The following NPAS3 variants were observed in gnomAD, a reference collection of about 807,000 sequenced individuals.
The protein encoded by NPAS3 is neuronal PAS domain-containing protein 3.
NPAS3 carries 14 observed loss-of-function variants against 73.1 expected under a neutral mutation model. The ratio of observed to expected loss-of-function variants is 0.19; its 90% CI spans 0.13 to 0.30. The LOEUF is 0.30. NPAS3 is among the 10% of genes least tolerant of loss of function. The pLI, the probability that NPAS3 is intolerant of heterozygous loss-of-function variation, is 1.00. For missense variants in NPAS3, 1,096 were observed against 1,250.0 expected, an observed-to-expected ratio of 0.88 and a Z score of 1.86; for synonymous variants, 620 against 541.5, an observed-to-expected ratio of 1.14 and a Z score of -2.01.
intron 10 of NPAS3, 152 bp downstream of exon 10, chr14:33,794,196 G>A (rs2063446036): frequency 1.5e-6 from 1 of 672,422 alleles, no homozygotes; most frequent in Non-Finnish European, 2.5e-6. Context: ...CTTTCCACAA[G>A]ATTCAAATAA....
intron 3 of NPAS3, among the ~76,000 whole-genome samples, chr14:33,241,204 A>G (rs759061270): frequency 3.3e-5 from 5 of 151,952 alleles, no homozygotes; most frequent in Non-Finnish European, 7.4e-5. Context: ...AACTAAGGCT[A>G]TTGATTTACT....
intron 3 of NPAS3, among the ~76,000 whole-genome samples, chr14:33,344,313 C>G (rs2044629220): frequency 6.6e-6 from 1 of 152,124 alleles, no homozygotes; most frequent in African/African-American, 2.4e-5. Flanking sequence ...TTATAGAATA[C>G]CTTCTATTTG....
chr14:33,494,033 A>T lies in NPAS3; in HGVS notation c.469-66088A>T, dbSNP rs61548047. 7.1e-3 allele frequency among the ~76,000 whole-genome samples: 1,081 copies of T among 152,264 alleles called. 11 individuals carry two copies. Among genetic ancestry groups the T allele is most frequent in the African/African-American group, 0.024 (1,014 of 41,564 alleles). On this transcript the variant is annotated intron_variant, in intron 4 of 11. Coordinates refer to ENST00000356141, the Ensembl canonical transcript of NPAS3. ...ATATTATATGAATAGCATCATCGTA[A>T]AAATGATTAGCATTCATACTATGCA...
intron 8 of NPAS3, among the ~76,000 whole-genome samples, chr14:33,776,296 C>T (rs2062812526): frequency 6.6e-6 from 1 of 152,086 alleles, no homozygotes; most frequent in African/African-American, 2.4e-5. Flanking sequence ...CACACATCAG[C>T]TCCCTTGATT....
intron 1 of NPAS3, among the ~76,000 whole-genome samples, chr14:32,962,769 G>A (rs2036987300): frequency 6.6e-6 from 1 of 150,964 alleles, no homozygotes; most frequent in Admixed American, 6.6e-5. Flanking sequence ...CACCATGTTG[G>A]TCAGGCTGTT....
chr14:33,164,916 C>A (rs2045066571), intron 2 of NPAS3, among the ~76,000 whole-genome samples: 1 of 151,734 alleles, frequency 6.6e-6, no homozygotes, highest in African/African-American at 2.4e-5. Context: ...AATAATTTCC[C>A]TTTTCATGGT....
At chr14:32,955,007 G>A (rs2036618430) in intron 1 of NPAS3, among the ~76,000 whole-genome samples, 1 of 152,030 alleles carries the variant, frequency 6.6e-6, no homozygotes, top group Admixed American at 6.6e-5. Context: ...AATTATGGTG[G>A]CATGGGCATT....
intron 4 of NPAS3, among the ~76,000 whole-genome samples, chr14:33,478,652 T>A (rs2051162879): frequency 1.3e-5 from 2 of 152,340 alleles, no homozygotes; most frequent in African/African-American, 4.8e-5. Context: ...GAATTTTGTA[T>A]GTTTAGAAAG....
chr14:33,680,866 T>G, intron 6 of NPAS3: 2 of 513,564 alleles, frequency 3.9e-6, no homozygotes, highest in Non-Finnish European at 6.8e-6. Flanking sequence ...TGGGTTATCA[T>G]GTTTTGTCTA....
chr14:33,100,345 T>C (rs1272791856), intron 2 of NPAS3, among the ~76,000 whole-genome samples: 1 of 152,196 alleles, frequency 6.6e-6, no homozygotes, highest in Non-Finnish European at 1.5e-5. Context: ...TTTGTCATGA[T>C]GAGTTTATTG....
intron 2 of NPAS3, among the ~76,000 whole-genome samples, chr14:33,186,428 A>C (rs1049229942): frequency 6.6e-6 from 1 of 152,222 alleles, no homozygotes; most frequent in Non-Finnish European, 1.5e-5. Flanking sequence ...GATACACTCA[A>C]TTATCGTCTC....
chr14:33,194,681 A>C (rs2046287777), intron 2 of NPAS3, among the ~76,000 whole-genome samples: 1 of 152,180 alleles, frequency 6.6e-6, no homozygotes, highest in Non-Finnish European at 1.5e-5. Context: ...TGTCAATGAG[A>C]GGAATAATGC....
At chr14:33,252,501 A>T (rs1261455545) in intron 3 of NPAS3, among the ~76,000 whole-genome samples, 1 of 152,006 alleles carries the variant, frequency 6.6e-6, no homozygotes, top group African/African-American at 2.4e-5. Context: ...AATATGCAAA[A>T]TAACCCCATG....
At chr14:33,007,772 T>G (rs1342480213) in intron 1 of NPAS3, among the ~76,000 whole-genome samples, 1 of 152,234 alleles carries the variant, frequency 6.6e-6, no homozygotes, top group Non-Finnish European at 1.5e-5. Context: ...ATAGTAAATA[T>G]TTCTGGCTTT....
chr14:33,746,496 CTCAT>C (rs2061802283), intron 7 of NPAS3, among the ~76,000 whole-genome samples: 1 of 146,036 alleles, frequency 6.8e-6, no homozygotes, highest in Non-Finnish European at 1.5e-5. Flanking sequence ...CCTCTACTGA[CTCAT>C]TCTTTTTTTT....
At chr14:33,599,065 TG>T (rs1310233884) in intron 5 of NPAS3, among the ~76,000 whole-genome samples, 3 of 152,324 alleles carry the variant, frequency 2.0e-5, no homozygotes, top group Admixed American at 6.5e-5. Context: ...ATTAGGCACA[TG>T]TTTTTTTTAT....
At chr14:33,017,367 C>T (rs2039433130) in intron 1 of NPAS3, among the ~76,000 whole-genome samples, 1 of 152,040 alleles carries the variant, frequency 6.6e-6, no homozygotes, top group African/African-American at 2.4e-5. Context: ...ATTCCCAGGG[C>T]ATAGTGTATC....
At chr14:32,955,170 C>G (rs2036626120) in intron 1 of NPAS3, among the ~76,000 whole-genome samples, 1 of 152,108 alleles carries the variant, frequency 6.6e-6, no homozygotes, top group South Asian at 2.1e-4. Context: ...CATTCACCTG[C>G]AATCAATGTC....
rs547018003 is a variant in NPAS3, at chr14:33,491,593, A to G, written c.469-68528A>G. Among the ~76,000 whole-genome samples the G allele has an allele frequency of 4.1e-4, 62 of 152,296 alleles. No individual in the cohort carries two copies. The South Asian group carries it at 0.011, about 26-fold the overall frequency. On this transcript the variant is annotated intron_variant, in intron 4 of 11. Coordinates refer to ENST00000356141, the Ensembl canonical transcript of NPAS3. ...GGCAAATATGGTTGGTAGCTACCAT[A>G]TTAGCTCTAGTATCATAATCACAAA...
Sources: gnomAD v4.1 joint callset for allele counts (sites outside exome capture counted in the v4.1 genomes callset) on GRCh38, gnomAD v4.1.1 for gene constraint, MANE v1.5 for transcripts, NCBI Gene and HGNC (gene_info 2026-07-23, HGNC 2026-07-21) for gene names.